GPC5: variants seen among roughly 807,000 people sequenced by gnomAD.
GPC5 encodes glypican-5.
A neutral mutation model predicts 53.9 loss-of-function variants in GPC5; 47 were observed. The ratio of observed to expected loss-of-function variants is 0.87; its 90% CI spans 0.69 to 1.11. GPC5 has a LOEUF of 1.11. GPC5 is among the 50% of genes most tolerant of loss of function. The probability of loss-of-function intolerance (pLI) is 0.00; values close to 1 mark genes in which losing one functional copy is unlikely to be tolerated. For synonymous variants in GPC5, 286 were observed against 263.3 expected, an observed-to-expected ratio of 1.09 and a Z score of -0.84; for missense variants, 748 against 713.1, an observed-to-expected ratio of 1.05 and a Z score of -0.56.
At chr13:92,487,840 TAAAAAAAAAA>T (rs66972682) in intron 7 of GPC5, among the ~76,000 whole-genome samples, 1 of 99,596 alleles carries the variant, frequency 1.0e-5, no homozygotes, top group Admixed American at 9.7e-5. Flanking sequence ...ATAAATATAG[TAAAAAAAAAA>T]AAAAAAAAAA....
At chr13:92,138,548 A>T (rs1202473427) in intron 6 of GPC5, among the ~76,000 whole-genome samples, 4 of 151,696 alleles carry the variant, frequency 2.6e-5, no homozygotes, top group African/African-American at 9.7e-5. Flanking sequence ...AAATAAAAAA[A>T]AATAAAAATA....
At chr13:92,543,443 T>C (rs768779277) in intron 7 of GPC5, among the ~76,000 whole-genome samples, 6 of 152,194 alleles carry the variant, frequency 3.9e-5, no homozygotes, top group African/African-American at 1.4e-4. Context: ...TTCTGGTGAC[T>C]TAAGCATGTA....
At chr13:92,449,128 A>G (rs1288704044) in intron 7 of GPC5, 1 of 151,964 alleles carries the variant, frequency 6.6e-6, no homozygotes, top group Non-Finnish European at 1.5e-5. Context: ...TTTCAATCCA[A>G]AGGTCTTTCA....
intron 5 of GPC5, 84 bp downstream of exon 5, chr13:91,756,504 T>C (rs2037296369): frequency 1.7e-6 from 2 of 1,211,720 alleles, no homozygotes; most frequent in East Asian, 2.5e-5. Flanking sequence ...AATTCAGTCT[T>C]AACTTTGTCA....
intron 7 of GPC5, among the ~76,000 whole-genome samples, chr13:92,249,073 T>C (rs143149573): frequency 6.3e-4 from 96 of 152,212 alleles, no homozygotes; most frequent in African/African-American, 2.0e-3. Flanking sequence ...ATTTATGGGG[T>C]ACATGAGATA....
intron 3 of GPC5, among the ~76,000 whole-genome samples, chr13:91,713,169 T>A (rs1413334980): frequency 6.6e-6 from 1 of 152,066 alleles, no homozygotes; most frequent in Non-Finnish European, 1.5e-5. Flanking sequence ...CTAGCCTGGG[T>A]GATAGAGAGA....
intron 7 of GPC5, among the ~76,000 whole-genome samples, chr13:92,498,177 G>T (rs559296428): frequency 6.6e-6 from 1 of 152,188 alleles, no homozygotes; most frequent in East Asian, 1.9e-4. Context: ...CCAAGTGGGT[G>T]ACCTGAAAGA....
At chr13:92,103,053 G>A (rs1030993461) in intron 6 of GPC5, among the ~76,000 whole-genome samples, 3 of 152,136 alleles carry the variant, frequency 2.0e-5, no homozygotes, top group Admixed American at 2.0e-4. Flanking sequence ...TGTAGAGACA[G>A]GGTGTCCTAT....
chr13:92,779,382 C>T (rs1875939065), intron 7 of GPC5, among the ~76,000 whole-genome samples: 1 of 151,968 alleles, frequency 6.6e-6, no homozygotes, highest in South Asian at 2.1e-4. Context: ...AGTCTCAAAG[C>T]TGTGAGTTTG....
intron 7 of GPC5, among the ~76,000 whole-genome samples, chr13:92,156,645 C>T (rs1208542890): frequency 6.6e-6 from 1 of 152,072 alleles, no homozygotes; most frequent in Non-Finnish European, 1.5e-5. Flanking sequence ...TTTAATTTTG[C>T]TATCAAGTTA....
At chr13:92,030,126 T>C (rs976619182) in intron 6 of GPC5, among the ~76,000 whole-genome samples, 56 of 152,180 alleles carry the variant, frequency 3.7e-4, no homozygotes, top group African/African-American at 1.3e-3. Flanking sequence ...AGTACAAATA[T>C]TGAACAGAAA....
chr13:92,203,055 C>T (rs1210588045), intron 7 of GPC5, among the ~76,000 whole-genome samples: 1 of 152,038 alleles, frequency 6.6e-6, no homozygotes, highest in Non-Finnish European at 1.5e-5. Context: ...AATATTCACC[C>T]CCATAGAACT....
chr13:91,904,535 T>C (rs929790405), intron 5 of GPC5, among the ~76,000 whole-genome samples: 1 of 152,056 alleles, frequency 6.6e-6, no homozygotes, highest in African/African-American at 2.4e-5. Flanking sequence ...GCACACTTTA[T>C]GTATATAGTG....
chr13:91,752,669 T>C (rs910808791), intron 4 of GPC5, among the ~76,000 whole-genome samples: 11 of 152,222 alleles, frequency 7.2e-5, no homozygotes, highest in Admixed American at 2.0e-4. Flanking sequence ...TTTTTATTAC[T>C]GCATATTACT....
chr13:91,517,639 C>T (rs986879894), intron 2 of GPC5, among the ~76,000 whole-genome samples: 2 of 152,134 alleles, frequency 1.3e-5, no homozygotes, highest in Non-Finnish European at 2.9e-5. Context: ...TTTCCAGTAT[C>T]TTTTCAACAA....
chr13:92,184,250 A>C lies in GPC5; in HGVS notation c.1561+39261A>C, dbSNP rs548075250. Among the ~76,000 whole-genome samples, 12 of 152,346 alleles carry C rather than the reference A, an allele frequency of 7.9e-5. No homozygotes were observed. The South Asian group carries it at 2.3e-3, about 29-fold the overall frequency. ...AAGAAATCTCTCATTAATTATATAT[A>C]CACAGAGTATAAATTTGAATATCAA... On this transcript the variant is annotated intron_variant, in intron 7 of 7. Transcript: ENST00000377067.
intron 7 of GPC5, among the ~76,000 whole-genome samples, chr13:92,225,381 G>C (rs1381957824): frequency 2.0e-5 from 3 of 152,170 alleles, no homozygotes; most frequent in Non-Finnish European, 4.4e-5. Flanking sequence ...TTTGAGTTCA[G>C]TGAAAGTGCA....
chr13:91,487,199 A>G (rs1394680805), intron 2 of GPC5, among the ~76,000 whole-genome samples: 1 of 152,136 alleles, frequency 6.6e-6, no homozygotes, highest in African/African-American at 2.4e-5. Context: ...GGGGGAAGTC[A>G]CGGGTGTGAT....
chr13:92,642,617 A>T (rs1885631816), intron 7 of GPC5, among the ~76,000 whole-genome samples: 1 of 152,238 alleles, frequency 6.6e-6, no homozygotes, highest in South Asian at 2.1e-4. Flanking sequence ...CATCTGGGCT[A>T]CTACTCAAAC....
Sources: gnomAD v4.1 joint callset for allele counts (sites outside exome capture counted in the v4.1 genomes callset) on GRCh38, gnomAD v4.1.1 for gene constraint, MANE v1.5 for transcripts, NCBI Gene and HGNC (gene_info 2026-07-23, HGNC 2026-07-21) for gene names.